CLEC3A: variants seen among roughly 807,000 people sequenced by gnomAD.
CLEC3A encodes the protein C-type lectin domain family 3 member A.
CLEC3A carries 28 observed loss-of-function variants against 20.4 expected under a neutral mutation model. That is an observed-to-expected ratio of 1.37 (90% CI 1.02 to 1.88). CLEC3A has a LOEUF of 1.88. CLEC3A is among the 40% of genes most tolerant of loss of function. The pLI, the probability that CLEC3A is intolerant of heterozygous loss-of-function variation, is 0.00. For synonymous variants in CLEC3A, 110 were observed against 88.1 expected (o/e 1.25, Z -1.39); for missense variants, 357 against 240.4 (o/e 1.48, Z -3.21).
At chr16:78,028,546 C>T (rs543709863) in intron 2 of CLEC3A, among the ~76,000 whole-genome samples, 55 of 152,222 alleles carry the variant, frequency 3.6e-4, no homozygotes, top group Non-Finnish European at 5.7e-4. Context: ...AGGACTCTCT[C>T]GGGCCACACC....
chr16:78,029,791 C>A (rs2142595004), intron 2 of CLEC3A, among the ~76,000 whole-genome samples: 1 of 152,026 alleles, frequency 6.6e-6, no homozygotes, highest in African/African-American at 2.4e-5. Flanking sequence ...AGTTTAAGGC[C>A]ATGTCTTGGG....
Position 78,030,608 on chromosome 16 carries a change from A to G in CLEC3A, c.361A>G (p.Ser121Gly), listed in dbSNP as rs925367043. The G allele has an allele frequency of 6.2e-7, 1 of 1,614,008 alleles. No individual in the cohort carries two copies. The highest frequency in any genetic ancestry group is 8.5e-7 in the Non-Finnish European group (1 of 1,180,026). The change falls in exon 3 of 3, where the codon AGC (serine) becomes GGC (glycine). Residue 121 changes from serine to glycine, a missense_variant. Ser to Gly is a moderately conservative substitution (Grantham distance 56). Coordinates refer to ENST00000299642, the MANE Select transcript of CLEC3A (RefSeq NM_005752.6). ...INALQDYGKRSLPGVNDFWLG... is the reference protein window; with the variant it reads ...INALQDYGKRGLPGVNDFWLG... The stretch of plus-strand genomic sequence containing the variant: ...CGCCCTCCAAGACTATGGTAAAAGG[A>G]GCCTGCCAGGTGTCAATGACTTTTG...
At chr16:78,022,856 C>G (rs2018767661) in intron 1 of CLEC3A, 115 bp downstream of exon 1, 2 of 1,080,018 alleles carry the variant, frequency 1.9e-6, no homozygotes, top group African/African-American at 3.2e-5. Flanking sequence ...GGCACCATGC[C>G]ATCATCCCTA....
chr16:78,025,678 G>C (rs968540821), intron 1 of CLEC3A, among the ~76,000 whole-genome samples: 6 of 152,144 alleles, frequency 3.9e-5, no homozygotes, highest in African/African-American at 1.2e-4. Flanking sequence ...GATCTCTCTG[G>C]TACTTGCTTC....
Position 78,031,099 on chromosome 16 carries a change from TTCTC to T in CLEC3A, c.*262_*265del. On this transcript the variant is annotated 3_prime_UTR_variant, in exon 3 of 3. Transcript: ENST00000299642. The stretch of plus-strand genomic sequence containing the variant: ...GCTTCTGCTAAACAGACTAAAATCT[TTCTC>T]TCTAGTCTTTCTCACTTGTACAAAC... The T allele has an allele frequency of 2.8e-6, 1 of 358,552 alleles. No homozygotes were observed. Among genetic ancestry groups the T allele is most frequent in the Non-Finnish European group, 5.0e-6 (1 of 201,238 alleles). 22.2% of individuals were successfully genotyped at this position (358,552 alleles called of 1,614,324 possible). A position where few individuals can be genotyped will look rare whatever the true frequency, so the allele number is the denominator to read the frequency against.
chr16:78,026,762 G>A (rs1325274738), intron 1 of CLEC3A, among the ~76,000 whole-genome samples: 1 of 152,126 alleles, frequency 6.6e-6, no homozygotes, highest in Non-Finnish European at 1.5e-5. Context: ...TTTATCCAAG[G>A]CTTCTTGTTT....
chr16:78,028,082 C>T, intron 1 of CLEC3A, 25 bp from the exon 2 acceptor site: 1 of 1,507,848 alleles, frequency 6.6e-7, no homozygotes. Flanking sequence ...CCACCTACCC[C>T]ATCCCACCCT....
chr16:78,031,892 T>A lies in CLEC3A; in HGVS notation c.*1051T>A, dbSNP rs1193542770. 1 of 152,464 alleles carries A rather than the reference T, an allele frequency of 6.6e-6. No homozygotes were observed. The highest frequency in any genetic ancestry group is 1.5e-5 in the Non-Finnish European group (1 of 68,028). The allele number at this position is 152,464 out of a possible 1,614,324, so 9.4% of individuals were successfully genotyped here. On this transcript the variant is annotated 3_prime_UTR_variant, in exon 3 of 3. Transcript: ENST00000299642. ...TGTACAAAATAACTTCATTGCTTAA[T>A]ATCAAATTACAAAGTTTAGACTTGG...
intron 1 of CLEC3A, among the ~76,000 whole-genome samples, chr16:78,024,326 G>A (rs1318076126): frequency 6.6e-6 from 1 of 152,018 alleles, no homozygotes; most frequent in African/African-American, 2.4e-5. Flanking sequence ...TGTGCATGTG[G>A]GTGCTGTGTG....
At chr16:78,028,254 C>G (rs1346762998) in intron 2 of CLEC3A, 64 bp downstream of exon 2, 3 of 1,203,712 alleles carry the variant, frequency 2.5e-6, no homozygotes, top group South Asian at 1.5e-5. Flanking sequence ...GGGTCAATTT[C>G]TGGGGGACGT....
In CLEC3A at chr16:78,030,948, A is replaced by C; in HGVS notation, c.*107A>C. The C allele has an allele frequency of 7.9e-7, 1 of 1,263,036 alleles. No homozygotes were observed. Among genetic ancestry groups the C allele is most frequent in the Non-Finnish European group, 1.1e-6 (1 of 927,810 alleles). 78.2% of individuals were successfully genotyped at this position (1,263,036 alleles called of 1,614,324 possible). A position where few individuals can be genotyped will look rare whatever the true frequency, so the allele number is the denominator to read the frequency against. On this transcript the variant is annotated 3_prime_UTR_variant, in exon 3 of 3. Transcript: ENST00000299642. Reference sequence around the variant, plus strand: ...TTTTTACTTATTAAAAAATTGCAACACAAGATCAATGTCCATAGCAATATG... The same window carrying C: ...TTTTTACTTATTAAAAAATTGCAACCCAAGATCAATGTCCATAGCAATATG...
Position 78,028,121 on chromosome 16 carries a change from C to G in CLEC3A, c.130C>G (p.Leu44Val), listed in dbSNP as rs779933246. Residue 44 changes from leucine (L) to valine (V), a missense_variant, in exon 2 of 3, where the codon CTG becomes GTG. Transcript: ENST00000299642. ...KRRVRDKDGD[L>V]KTQIEKLWTE... ...ATTTTCCCCAGACAAGGATGGAGAT[C>G]TGAAGACTCAAATTGAAAAGCTCTG... is the stretch of plus-strand genomic sequence containing the variant. The G allele has an allele frequency of 1.2e-6, 2 of 1,610,102 alleles. No homozygotes were observed. Among genetic ancestry groups the G allele is most frequent in the Admixed American group, 1.7e-5 (1 of 58,596 alleles).
chr16:78,022,578 C>G lies in CLEC3A; in HGVS notation c.-49C>G. On this transcript the variant is annotated 5_prime_UTR_variant, in exon 1 of 3. Transcript: ENST00000299642. The stretch of plus-strand genomic sequence containing the variant: ...GTAGCTGTGTAGTCTCCTTCCATAG[C>G]TGCTCTAAGGGGGCTGGCAACATGG... 3 of 1,605,040 alleles carry G rather than the reference C, an allele frequency of 1.9e-6. No individual in the cohort carries two copies. The highest frequency in any genetic ancestry group is 2.6e-6 in the Non-Finnish European group (3 of 1,175,820).
intron 2 of CLEC3A, among the ~76,000 whole-genome samples, chr16:78,029,583 T>A (rs59656370): frequency 1.3e-5 from 2 of 152,062 alleles, no homozygotes; most frequent in East Asian, 1.9e-4. Context: ...TTGGCCAGAC[T>A]GGTCTTGAAC....
chr16:78,025,618 C>A (rs1449797875), intron 1 of CLEC3A, among the ~76,000 whole-genome samples: 1 of 152,140 alleles, frequency 6.6e-6, no homozygotes, highest in Non-Finnish European at 1.5e-5. Flanking sequence ...TGAAAGGGAG[C>A]CTTCTGGGGG....
At chr16:78,030,374 A>G (rs925714863) in intron 2 of CLEC3A, 73 bp from the exon 3 acceptor site, 179 of 1,335,644 alleles carry the variant, frequency 1.3e-4, no homozygotes, top group Non-Finnish European at 1.7e-4. Flanking sequence ...ACTTATTGCT[A>G]TTTGCCAGGT....
intron 1 of CLEC3A, among the ~76,000 whole-genome samples, chr16:78,024,306 C>A (rs1328523851): frequency 6.6e-6 from 1 of 152,084 alleles, no homozygotes; most frequent in Non-Finnish European, 1.5e-5. Flanking sequence ...AGGGTCTGAA[C>A]ATGACTGAGT....
chr16:78,025,462 C>G (rs1037909880), intron 1 of CLEC3A, among the ~76,000 whole-genome samples: 1 of 152,210 alleles, frequency 6.6e-6, no homozygotes, highest in Non-Finnish European at 1.5e-5. Flanking sequence ...TAACACCAAT[C>G]CATCTTCCCA....
rs1440072122 is a variant in CLEC3A, at chr16:78,028,192, T to C, written c.199+2T>C. On this transcript the variant is annotated splice_donor_variant, in intron 2 of 2. Coordinates refer to ENST00000299642, the MANE Select transcript of CLEC3A (RefSeq NM_005752.6). LOFTEE classifies it high-confidence loss of function. ...AGGAAATTCAAGCCCTGCAGACAGGTAAGGTGCAGACCTTCTCAGTGCCTT... is the reference window on the plus strand; with the variant it reads ...AGGAAATTCAAGCCCTGCAGACAGGCAAGGTGCAGACCTTCTCAGTGCCTT... 3 of 1,603,248 alleles carry C rather than the reference T, an allele frequency of 1.9e-6. No homozygotes were observed. The highest frequency in any genetic ancestry group is 2.5e-6 in the Non-Finnish European group (3 of 1,176,758).
Sources: gnomAD v4.1 joint callset for allele counts (sites outside exome capture counted in the v4.1 genomes callset) on GRCh38, gnomAD v4.1.1 for gene constraint, MANE v1.5 for transcripts, NCBI Gene and HGNC (gene_info 2026-07-23, HGNC 2026-07-21) for gene names.